Variants in CBR4 observed in about 807,000 individuals in gnomAD.
CBR4 encodes 3-oxoacyl-[acyl-carrier-protein] reductase.
CBR4 carries 22 observed loss-of-function variants against 21.0 expected under a neutral mutation model. The ratio of observed to expected loss-of-function variants is 1.05; its 90% CI spans 0.75 to 1.50. The LOEUF (loss-of-function observed/expected upper bound fraction) is 1.50. CBR4 is among the 40% of genes most tolerant of loss of function. The pLI, the probability that CBR4 is intolerant of heterozygous loss-of-function variation, is 0.00. For synonymous variants in CBR4, 100 were observed against 104.4 expected (o/e 0.96, Z 0.26); for missense variants, 302 against 286.3 (o/e 1.05, Z -0.40).
chr4:168,983,160 G>C (rs1764590555), downstream of CBR4, among the ~76,000 whole-genome samples: 1 of 151,972 alleles, frequency 6.6e-6, no homozygotes, highest in African/African-American at 2.4e-5. Context: ...AAGATTGATA[G>C]ACTGCTAGCT....
intron 2 of CBR4, among the ~76,000 whole-genome samples, chr4:168,942,987 T>C (rs1342228508): frequency 1.3e-5 from 2 of 152,122 alleles, no homozygotes; most frequent in Middle Eastern, 3.4e-3. Context: ...GCCAAGAAGG[T>C]AGAGAAACAG....
chr4:168,940,898 A>T, intron 2 of CBR4, among the ~76,000 whole-genome samples: 1 of 152,248 alleles, frequency 6.6e-6, no homozygotes, highest in South Asian at 2.1e-4. Context: ...TAGAACCAGA[A>T]ATACCATTTG....
At chr4:168,922,532 A>T (rs1341537408) in intron 2 of CBR4, among the ~76,000 whole-genome samples, 2 of 152,200 alleles carry the variant, frequency 1.3e-5, no homozygotes, top group Non-Finnish European at 2.9e-5. Flanking sequence ...CAAGACTCCT[A>T]GTGCTCTTCT....
At chr4:168,897,118 C>T (rs1210958995) in intron 2 of CBR4, among the ~76,000 whole-genome samples, 11 of 152,208 alleles carry the variant, frequency 7.2e-5, no homozygotes, top group African/African-American at 2.7e-4. Context: ...GCATGAGCCA[C>T]AGTGCCTGGC....
chr4:168,943,156 T>C (rs1450468175), intron 2 of CBR4, among the ~76,000 whole-genome samples: 2 of 152,148 alleles, frequency 1.3e-5, no homozygotes, highest in East Asian at 3.8e-4. Context: ...ATCAGAGATA[T>C]CTGCACCCTA....
chr4:168,988,642 T>C lies in CBR4; in HGVS notation c.*1508A>G. ...ATATGTGCCTAGACTTGGTAATGCC[T>C]GATAAATTCTGTATATTACCACGTC... On this transcript the variant is annotated 3_prime_UTR_variant, in exon 5 of 5. Transcript: ENST00000306193. The C allele has an allele frequency of 3.0e-6, 3 of 984,934 alleles. No homozygotes were observed. The highest frequency in any genetic ancestry group is 3.6e-6 in the Non-Finnish European group (3 of 829,450). The allele number at this position is 984,934 out of a possible 1,614,324, so 61.0% of individuals were successfully genotyped here.
rs1450509607 is a variant in CBR4 at position 169,010,188 on chromosome 4, AAG to A, written c.-101_-100del. On this transcript the variant is annotated 5_prime_UTR_variant, in exon 1 of 5. Coordinates refer to ENST00000306193, the MANE Select transcript of CBR4 (RefSeq NM_032783.5). ...CAACCGCGGTTCCAAAAAAAAAAAA[AAG>A]AAAAAAAAAGGCAAACCGCAAAAAA... 3.8e-5 allele frequency: 41 copies of A among 1,071,016 alleles called. No homozygotes were observed. Among genetic ancestry groups the A allele is most frequent in the African/African-American group, 3.7e-4 (23 of 61,688 alleles). 66.3% of individuals were successfully genotyped at this position (1,071,016 alleles called of 1,614,324 possible). A position where few individuals can be genotyped will look rare whatever the true frequency, so the allele number is the denominator to read the frequency against.
At chr4:168,998,549 AT>A (rs948300393) in intron 4 of CBR4, among the ~76,000 whole-genome samples, 1 of 152,180 alleles carries the variant, frequency 6.6e-6, no homozygotes, top group African/African-American at 2.4e-5. Flanking sequence ...ATGAATGTTA[AT>A]GGGTTTAGGA....
At chr4:168,933,729 A>G (rs1763028763) in intron 2 of CBR4, among the ~76,000 whole-genome samples, 2 of 152,226 alleles carry the variant, frequency 1.3e-5, no homozygotes, top group Non-Finnish European at 2.9e-5. Flanking sequence ...TTATCAGCAC[A>G]TGGAACATTC....
chr4:168,937,574 G>A (rs533078744), intron 2 of CBR4, among the ~76,000 whole-genome samples: 27 of 151,246 alleles, frequency 1.8e-4, no homozygotes, highest in African/African-American at 4.1e-4. Flanking sequence ...CCCATCTCAC[G>A]TGCAAAGACA....
chr4:168,928,173 AG>A (rs1762791542), intron 2 of CBR4: 2 of 188,788 alleles, frequency 1.1e-5, no homozygotes, highest in South Asian at 3.9e-4. Context: ...ATGGAATTTA[AG>A]ATACCATACA....
At chr4:168,970,940 G>A (rs1048568076) in intron 2 of CBR4, among the ~76,000 whole-genome samples, 4 of 152,084 alleles carry the variant, frequency 2.6e-5, no homozygotes, top group Admixed American at 6.6e-5. Context: ...ATAAACATGC[G>A]TGTGCATGTG....
At chr4:168,954,042 AAGT>A (rs1437407690) in intron 2 of CBR4, among the ~76,000 whole-genome samples, 1 of 152,134 alleles carries the variant, frequency 6.6e-6, no homozygotes, top group Non-Finnish European at 1.5e-5. Flanking sequence ...ATCTCCCAGA[AAGT>A]AGGACCAAAA....
At chr4:168,956,712 A>G (rs1359771728) in intron 2 of CBR4, among the ~76,000 whole-genome samples, 2 of 151,758 alleles carry the variant, frequency 1.3e-5, no homozygotes, top group African/African-American at 2.4e-5. Context: ...AATCCTTACA[A>G]TAAGTGTAGG....
At chr4:168,939,031 C>T (rs750315412) in intron 2 of CBR4, among the ~76,000 whole-genome samples, 12 of 152,146 alleles carry the variant, frequency 7.9e-5, no homozygotes, top group Non-Finnish European at 1.2e-4. Context: ...TGATGAACAT[C>T]GTTGCAAAAA....
chr4:168,914,138 G>T, intron 2 of CBR4: 1 of 738,450 alleles, frequency 1.4e-6, no homozygotes, highest in Non-Finnish European at 2.4e-6. Flanking sequence ...GATAGAATAG[G>T]AATGCAAACC....
At chr4:168,974,803 T>C (rs1285962599) in intron 2 of CBR4, among the ~76,000 whole-genome samples, 1 of 152,202 alleles carries the variant, frequency 6.6e-6, no homozygotes, top group Non-Finnish European at 1.5e-5. Context: ...GTTTCTTCCA[T>C]ATCCTTTATT....
rs778937424 is a variant in CBR4, at chr4:169,002,084, A to G, written c.522T>C (p.Asn174=). 1 of 1,585,270 alleles carries G rather than the reference A, an allele frequency of 6.3e-7. No homozygotes were observed. Among genetic ancestry groups the G allele is most frequent in the South Asian group, 1.2e-5 (1 of 85,064 alleles). Residue 174 remains asparagine (N), a synonymous_variant, in exon 4 of 5, where the codon AAT becomes AAC. Coordinates refer to ENST00000306193, the MANE Select transcript of CBR4 (RefSeq NM_032783.5). ...KEVARKKIRV[N]VVAPGFVHTD... ...GTTTTCACTAACCTGGTGCAACTAC[A>G]TTCACTCTAATTTTCTTTCTTGCTA...
rs17054604 is a variant in CBR4, at chr4:168,988,442, G to T, written c.*1708C>A. On this transcript the variant is annotated 3_prime_UTR_variant, in exon 5 of 5. Coordinates refer to ENST00000306193, the MANE Select transcript of CBR4 (RefSeq NM_032783.5). Reference sequence around the variant, plus strand: ...CTCGCTCATGATTTCAGAGCATAAGGTGTCCAGAGAAGAAAACTCAAGACT... The same window carrying T: ...CTCGCTCATGATTTCAGAGCATAAGTTGTCCAGAGAAGAAAACTCAAGACT... The T allele has an allele frequency of 1.0e-6, 1 of 985,056 alleles. No individual in the cohort carries two copies. Among genetic ancestry groups the T allele is most frequent in the Admixed American group, 6.2e-5 (1 of 16,252 alleles). The allele number at this position is 985,056 out of a possible 1,614,324, so 61.0% of individuals were successfully genotyped here. A position where few individuals can be genotyped will look rare whatever the true frequency, so the allele number is the denominator to read the frequency against.
Sources: gnomAD v4.1 joint callset for allele counts (sites outside exome capture counted in the v4.1 genomes callset) on GRCh38, gnomAD v4.1.1 for gene constraint, MANE v1.5 for transcripts, NCBI Gene and HGNC (gene_info 2026-07-23, HGNC 2026-07-21) for gene names.